The following ERC2 variants were observed in gnomAD, a reference collection of about 807,000 sequenced individuals.
ERC2 encodes ERC protein 2.
In ERC2, 42 loss-of-function variants were observed where a neutral mutation model predicts 114.8. The observed-to-expected ratio is 0.37, with a 90% CI of 0.29 to 0.47. The LOEUF (loss-of-function observed/expected upper bound fraction) is 0.47, where lower values mean the gene tolerates loss of function less well. Ranked by LOEUF, ERC2 falls within the 20% of genes least tolerant of loss-of-function variation. The probability of loss-of-function intolerance (pLI) is 0.99; values close to 1 mark genes in which losing one functional copy is unlikely to be tolerated. For synonymous variants in ERC2, 454 were observed against 425.5 expected, an observed-to-expected ratio of 1.07 and a Z score of -0.82; for missense variants, 939 against 1,150.7, an observed-to-expected ratio of 0.82 and a Z score of 2.66.
At chr3:55,819,712 T>C (rs2149149728) in intron 14 of ERC2, among the ~76,000 whole-genome samples, 1 of 152,296 alleles carries the variant, frequency 6.6e-6, no homozygotes, top group South Asian at 2.1e-4. Context: ...AATGATGATA[T>C]TAGGACGGCA....
chr3:56,033,799 T>C (rs565895161), intron 7 of ERC2, among the ~76,000 whole-genome samples: 96 of 152,280 alleles, frequency 6.3e-4, no homozygotes, highest in African/African-American at 2.3e-3. Flanking sequence ...TCTTTTTTTT[T>C]CTTTTTTCTT....
At chr3:55,846,939 C>T (rs2061396347) in intron 14 of ERC2, among the ~76,000 whole-genome samples, 1 of 152,134 alleles carries the variant, frequency 6.6e-6, no homozygotes, top group Non-Finnish European at 1.5e-5. Flanking sequence ...CATACATCTG[C>T]CTGTTATTTG....
intron 10 of ERC2, among the ~76,000 whole-genome samples, chr3:55,992,882 G>A (rs1342077369): frequency 6.6e-6 from 1 of 152,148 alleles, no homozygotes; most frequent in African/African-American, 2.4e-5. Context: ...ACCTAAACCA[G>A]GAGGAGGATG....
chr3:55,687,434 T>C (rs1400454269), intron 16 of ERC2, among the ~76,000 whole-genome samples: 4 of 152,164 alleles, frequency 2.6e-5, no homozygotes, highest in Non-Finnish European at 5.9e-5. Context: ...TGGCTTTTTT[T>C]CTTGAAATCA....
intron 14 of ERC2, among the ~76,000 whole-genome samples, chr3:55,755,882 A>G (rs1288348510): frequency 6.6e-6 from 1 of 152,150 alleles, no homozygotes; most frequent in Non-Finnish European, 1.5e-5. Context: ...TCCAATTTCA[A>G]TCTTTTGAAA....
At chr3:55,629,175 G>A (rs939760163) in intron 17 of ERC2, among the ~76,000 whole-genome samples, 7 of 152,056 alleles carry the variant, frequency 4.6e-5, no homozygotes, top group Non-Finnish European at 8.8e-5. Flanking sequence ...CCTGGGCCTC[G>A]CGGCTCACTT....
intron 3 of ERC2, among the ~76,000 whole-genome samples, chr3:56,180,209 T>C (rs1575709125): frequency 6.6e-6 from 1 of 152,310 alleles, no homozygotes; most frequent in East Asian, 1.9e-4. Flanking sequence ...ATTAGTGACC[T>C]CATCTAGAGC....
At chr3:55,579,911 G>A (rs999593083) in intron 17 of ERC2, among the ~76,000 whole-genome samples, 2 of 152,016 alleles carry the variant, frequency 1.3e-5, no homozygotes, top group Non-Finnish European at 1.5e-5. Flanking sequence ...AAATCAGAAT[G>A]TCTTTTAAAT....
intron 7 of ERC2, among the ~76,000 whole-genome samples, chr3:56,040,970 T>C (rs1162123748): frequency 6.6e-6 from 1 of 151,904 alleles, no homozygotes; most frequent in Admixed American, 6.6e-5. Context: ...CAGTGAGGTT[T>C]TCCACTTCTT....
At chr3:55,553,917 G>A (rs140619333) in intron 17 of ERC2, among the ~76,000 whole-genome samples, 43 of 152,316 alleles carry the variant, frequency 2.8e-4, no homozygotes, top group Non-Finnish European at 5.0e-4. Context: ...ACTTTAGGAC[G>A]TGGGAATATG....
chr3:56,073,915 C>T (rs1425550688), intron 7 of ERC2, among the ~76,000 whole-genome samples: 7 of 152,102 alleles, frequency 4.6e-5, no homozygotes, highest in Non-Finnish European at 1.0e-4. Context: ...ATATTGAAAG[C>T]CACCACAATC....
intron 6 of ERC2, among the ~76,000 whole-genome samples, chr3:56,118,225 G>C (rs2079360274): frequency 6.6e-6 from 1 of 152,178 alleles, no homozygotes; most frequent in African/African-American, 2.4e-5. Context: ...TAGACATAGA[G>C]TAAATGCTCA....
chr3:55,949,638 A>G (rs1056755420), intron 13 of ERC2, among the ~76,000 whole-genome samples: 4 of 152,204 alleles, frequency 2.6e-5, no homozygotes, highest in Non-Finnish European at 5.9e-5. Flanking sequence ...TACATATTGA[A>G]ATTATCTAAC....
At chr3:56,291,630 G>A (rs1159302732) in intron 3 of ERC2, among the ~76,000 whole-genome samples, 1 of 152,064 alleles carries the variant, frequency 6.6e-6, no homozygotes, top group Admixed American at 6.6e-5. Flanking sequence ...GCTTCACACT[G>A]CCTAGCCCCA....
chr3:55,877,105 G>C (rs1402930604), intron 14 of ERC2, among the ~76,000 whole-genome samples: 3 of 152,156 alleles, frequency 2.0e-5, no homozygotes, highest in Non-Finnish European at 2.9e-5. Context: ...GCTAGTTACA[G>C]GTTCCTCAAC....
chr3:55,723,430 T>A (rs1309508164), intron 15 of ERC2, among the ~76,000 whole-genome samples: 10 of 152,268 alleles, frequency 6.6e-5, no homozygotes, highest in Admixed American at 6.5e-4. Flanking sequence ...ATAGAAAGAA[T>A]GCTACAAAAT....
chr3:55,861,141 T>C (rs2062010461), intron 14 of ERC2, among the ~76,000 whole-genome samples: 2 of 152,230 alleles, frequency 1.3e-5, no homozygotes, highest in Non-Finnish European at 2.9e-5. Flanking sequence ...TTTAATTAGT[T>C]CTAACTAGAT....
chr3:56,177,520 G>A (rs1481177919), intron 3 of ERC2, among the ~76,000 whole-genome samples: 1 of 152,202 alleles, frequency 6.6e-6, no homozygotes, highest in Non-Finnish European at 1.5e-5. Flanking sequence ...ACAGATCTCT[G>A]TAAAAATCAA....
At chr3:55,742,060 A>T (rs1308618120) in intron 14 of ERC2, among the ~76,000 whole-genome samples, 1 of 150,922 alleles carries the variant, frequency 6.6e-6, no homozygotes, top group Admixed American at 6.9e-5. Flanking sequence ...AGATACAGCT[A>T]ATAAAACACC....
Sources: gnomAD v4.1 joint callset for allele counts (sites outside exome capture counted in the v4.1 genomes callset) on GRCh38, gnomAD v4.1.1 for gene constraint, MANE v1.5 for transcripts, NCBI Gene and HGNC (gene_info 2026-07-23, HGNC 2026-07-21) for gene names.